The following CWF19L2 variants were observed in gnomAD, a reference collection of about 807,000 sequenced individuals.
The protein encoded by CWF19L2 is CWF19-like protein 2.
In CWF19L2, 98 loss-of-function variants were observed where a neutral mutation model predicts 111.7. The observed-to-expected ratio is 0.88, with a 90% CI of 0.75 to 1.04. CWF19L2 has a LOEUF of 1.04. CWF19L2 is among the 50% of genes least tolerant of loss of function. The pLI is 0.00. For missense variants in CWF19L2, 1,101 were observed against 1,051.4 expected, an observed-to-expected ratio of 1.05 and a Z score of -0.65; for synonymous variants, 351 against 342.9, an observed-to-expected ratio of 1.02 and a Z score of -0.26.
Position 107,349,222 on chromosome 11 carries a change from T to G in CWF19L2, c.2086-169A>C, listed in dbSNP as rs77648901. 9.5e-3 allele frequency among the ~76,000 whole-genome samples: 1,451 copies of G among 152,306 alleles called. 9 individuals carry two copies. The highest frequency in any genetic ancestry group is 0.016 in the Non-Finnish European group (1,106 of 68,018). ...ATTGCTTTTGCAAATGTTAATATTTTTAAAGATATTTAGTATTTTTAAAGG... is the reference window on the plus strand; with the variant it reads ...ATTGCTTTTGCAAATGTTAATATTTGTAAAGATATTTAGTATTTTTAAAGG... On this transcript the variant is annotated intron_variant, in intron 13 of 17. Transcript: ENST00000282251.
intron 10 of CWF19L2, among the ~76,000 whole-genome samples, chr11:107,405,993 G>A (rs1389246025): frequency 6.6e-6 from 1 of 152,048 alleles, no homozygotes; most frequent in Non-Finnish European, 1.5e-5. Context: ...GTAAAGCAAA[G>A]GAAACAACTA....
chr11:107,409,129 A>G (rs1281079899), intron 10 of CWF19L2, among the ~76,000 whole-genome samples: 1 of 151,938 alleles, frequency 6.6e-6, no homozygotes, highest in African/African-American at 2.4e-5. Flanking sequence ...AACAGTTCAC[A>G]TATTCTGGGA....
chr11:107,430,723 G>T (rs572929333), intron 7 of CWF19L2, among the ~76,000 whole-genome samples: 2 of 152,154 alleles, frequency 1.3e-5, no homozygotes, highest in East Asian at 3.9e-4. Context: ...GGAAGGAGAG[G>T]GGATGAGAAG....
intron 8 of CWF19L2, among the ~76,000 whole-genome samples, chr11:107,425,004 A>G (rs1861353706): frequency 6.6e-6 from 1 of 151,888 alleles, no homozygotes; most frequent in African/African-American, 2.4e-5. Flanking sequence ...GTTTATAATG[A>G]TGAGCAAATG....
chr11:107,379,551 G>T (rs1394123528), intron 12 of CWF19L2, among the ~76,000 whole-genome samples: 1 of 152,204 alleles, frequency 6.6e-6, no homozygotes, highest in African/African-American at 2.4e-5. Flanking sequence ...ATGAGTTAGG[G>T]AGTTAAACTG....
chr11:107,450,850 C>A (rs145466766), intron 3 of CWF19L2, among the ~76,000 whole-genome samples: 253 of 152,196 alleles, frequency 1.7e-3, no homozygotes, highest in Admixed American at 4.3e-3. Flanking sequence ...TTCAAAATTA[C>A]ATAAGGCAAA....
At chr11:107,410,066 T>C (rs1026741384) in intron 10 of CWF19L2, among the ~76,000 whole-genome samples, 10 of 152,122 alleles carry the variant, frequency 6.6e-5, no homozygotes, top group African/African-American at 1.9e-4. Flanking sequence ...TATTCATAGA[T>C]ATGTGAATGA....
At position 107,368,666 on chromosome 11, in the gene CWF19L2, T is replaced by C. The variant is rs1458384411; in HGVS notation, c.1873-14930A>G. Reference sequence around the variant, plus strand: ...GGTTAATGTAAACTGGCAGAATGTGTTTTTCTAATTAGCAAAACTTTCCAA... The same window carrying C: ...GGTTAATGTAAACTGGCAGAATGTGCTTTTCTAATTAGCAAAACTTTCCAA... On this transcript the variant is annotated intron_variant, in intron 12 of 17. Coordinates refer to ENST00000282251, the MANE Select transcript of CWF19L2 (RefSeq NM_152434.3). 1.4e-5 allele frequency among the ~76,000 whole-genome samples: 2 copies of C among 138,232 alleles called. 1 individual carries two copies. Among genetic ancestry groups the C allele is most frequent in the African/African-American group, 5.7e-5 (2 of 34,784 alleles). 90.7% of individuals were successfully genotyped at this position (138,232 alleles called of 152,430 possible).
chr11:107,455,316 TA>T (rs934972996), intron 2 of CWF19L2, among the ~76,000 whole-genome samples: 1 of 151,900 alleles, frequency 6.6e-6, no homozygotes, highest in Non-Finnish European at 1.5e-5. Context: ...AAATAATTTT[TA>T]AAAAAATTAT....
intron 15 of CWF19L2, 121 bp from the exon 16 acceptor site, chr11:107,335,082 C>T (rs936168980): frequency 2.2e-5 from 14 of 629,876 alleles, no homozygotes; most frequent in Non-Finnish European, 3.9e-5. Context: ...AGCCATTATT[C>T]TGAACTGATT....
Position 107,454,145 on chromosome 11 carries a change from C to T in CWF19L2, c.339+305G>A, listed in dbSNP as rs375326670. ...TCATCACCTGCTGATTGCAGAGCCC[C>T]AGGGCCTTGAGTGAACACCAGCTGT... On this transcript the variant is annotated intron_variant, in intron 3 of 17. Transcript: ENST00000282251. 2.0e-5 allele frequency among the ~76,000 whole-genome samples: 3 copies of T among 152,334 alleles called. No individual in the cohort carries two copies. The East Asian group carries it at 5.8e-4, about 29-fold the overall frequency.
chr11:107,429,291 G>C lies in CWF19L2; in HGVS notation c.941C>G (p.Ser314Ter). The stretch of plus-strand genomic sequence containing the variant: ...ATCTGTTGTAGCATATCTATCCCTT[G>C]AACTGTTACCATATTTTACTAAGTC... The part of the protein sequence containing the change: ...ESDLVKYGNS[S>*]RDRYATTDTA... The change falls in exon 8 of 18, where the codon TCA becomes TGA. Residue 314 changes from serine to a stop codon, truncating the protein, a stop_gained. Transcript: ENST00000282251. LOFTEE classifies it high-confidence loss of function. 6 of 1,612,816 alleles carry C rather than the reference G, an allele frequency of 3.7e-6. No individual in the cohort carries two copies. Among genetic ancestry groups the C allele is most frequent in the Non-Finnish European group, 5.1e-6 (6 of 1,179,454 alleles).
intron 10 of CWF19L2, 42 bp downstream of exon 10, chr11:107,416,167 T>TG (rs11439588): frequency 0.5 from 288,048 of 577,216 alleles, 76,137 homozygotes; most frequent in African/African-American, 0.79. Context: ...CCGGTGGTAG[T>TG]TTACACAAGG....
rs71044301 is a variant in CWF19L2 at position 107,434,672 on chromosome 11, CA to C, written c.665-924del. On this transcript the variant is annotated intron_variant, in intron 6 of 17. Transcript: ENST00000282251. ...AAATATACTATTTAATATTACACAGCAAAAAAAAAAAAAAAAAGAAAAAACT... is the reference window on the plus strand; with the variant it reads ...AAATATACTATTTAATATTACACAGCAAAAAAAAAAAAAAAAGAAAAAACT... 4.7e-3 allele frequency among the ~76,000 whole-genome samples: 540 copies of C among 115,794 alleles called. 2 individuals are homozygous for C. The highest frequency in any genetic ancestry group is 0.013 in the African/African-American group (438 of 32,752). 76.0% of individuals were successfully genotyped at this position (115,794 alleles called of 152,430 possible). A position where few individuals can be genotyped will look rare whatever the true frequency, so the allele number is the denominator to read the frequency against.
At chr11:107,347,205 C>T (rs1046973988) in intron 14 of CWF19L2, among the ~76,000 whole-genome samples, 3 of 152,104 alleles carry the variant, frequency 2.0e-5, no homozygotes, top group African/African-American at 7.2e-5. Flanking sequence ...AACATCTTCG[C>T]ATTTTCTATT....
At chr11:107,443,256 A>G (rs1022910398) in intron 3 of CWF19L2, among the ~76,000 whole-genome samples, 4 of 152,226 alleles carry the variant, frequency 2.6e-5, no homozygotes, top group Middle Eastern at 6.8e-3. Flanking sequence ...TGAGGCAGGC[A>G]TATTACTTGA....
At chr11:107,365,475 C>T (rs1388259893) in intron 12 of CWF19L2, among the ~76,000 whole-genome samples, 1 of 84,540 alleles carries the variant, frequency 1.2e-5, no homozygotes, top group African/African-American at 6.1e-5. Context: ...GCTTATCCAC[C>T]ATGATCAAGT....
Position 107,429,452 on chromosome 11 carries a change from C to G in CWF19L2, c.781-1G>C. 6.5e-7 allele frequency: 1 copy of G among 1,529,594 alleles called. No individual in the cohort carries two copies. Among genetic ancestry groups the G allele is most frequent in the Non-Finnish European group, 8.8e-7 (1 of 1,139,806 alleles). 94.8% of individuals were successfully genotyped at this position (1,529,594 alleles called of 1,614,324 possible). ...ATTTTGACTGAAATATTTCCATTGA[C>G]TACAAAGGAGAAAAATTAAACAAGA... On this transcript the variant is annotated splice_acceptor_variant, in intron 7 of 17. Transcript: ENST00000282251. LOFTEE classifies it high-confidence loss of function.
chr11:107,401,891 C>T (rs1158123495), intron 10 of CWF19L2, among the ~76,000 whole-genome samples: 1 of 152,060 alleles, frequency 6.6e-6, no homozygotes, highest in African/African-American at 2.4e-5. Context: ...GGCATATGGA[C>T]CAATGTAACA....
Sources: gnomAD v4.1 joint callset for allele counts (sites outside exome capture counted in the v4.1 genomes callset) on GRCh38, gnomAD v4.1.1 for gene constraint, MANE v1.5 for transcripts, NCBI Gene and HGNC (gene_info 2026-07-23, HGNC 2026-07-21) for gene names.